CNTN4: variants seen among roughly 807,000 people sequenced by gnomAD.
CNTN4 encodes contactin 4.
CNTN4 carries 77 observed loss-of-function variants against 122.5 expected under a neutral mutation model. That is an observed-to-expected ratio of 0.63 (90% confidence interval 0.52 to 0.76). CNTN4 has a LOEUF of 0.76. Among genes scored for constraint, CNTN4 ranks in the 30% least tolerant of loss-of-function variants. CNTN4 has a pLI of 0.00. For missense variants in CNTN4, 1,256 were observed against 1,259.1 expected (o/e 1.00, Z 0.04); for synonymous variants, 512 against 447.0 (o/e 1.15, Z -1.83).
intron 2 of CNTN4, among the ~76,000 whole-genome samples, chr3:2,131,399 G>A (rs2034446118): frequency 6.6e-6 from 1 of 152,092 alleles, no homozygotes; most frequent in African/African-American, 2.4e-5. Context: ...CAGGCCCAGG[G>A]GATAATTGGG....
At chr3:2,600,615 G>A (rs1353611994) in intron 4 of CNTN4, among the ~76,000 whole-genome samples, 3 of 152,148 alleles carry the variant, frequency 2.0e-5, no homozygotes, top group South Asian at 2.1e-4. Flanking sequence ...GGACATTTGG[G>A]TTGATTCCAA....
chr3:2,747,182 G>A (rs1576644306), intron 6 of CNTN4, among the ~76,000 whole-genome samples: 1 of 152,156 alleles, frequency 6.6e-6, no homozygotes, highest in Middle Eastern at 3.4e-3. Context: ...GGCCGAGGCG[G>A]GCGGATCACG....
chr3:2,232,355 A>G (rs2039518719), intron 2 of CNTN4, among the ~76,000 whole-genome samples: 1 of 152,174 alleles, frequency 6.6e-6, no homozygotes, highest in Non-Finnish European at 1.5e-5. Flanking sequence ...AAAGCTTAAG[A>G]TCTTTTCCAC....
chr3:2,811,447 ATTTTATTATTTATTTAT>A (rs2092607205), intron 6 of CNTN4, among the ~76,000 whole-genome samples: 2 of 145,726 alleles, frequency 1.4e-5, no homozygotes, highest in South Asian at 4.3e-4. Context: ...CTTTATTTTT[ATTTTATTATTTATTTAT>A]TTATTTATTT....
intron 3 of CNTN4, among the ~76,000 whole-genome samples, chr3:2,362,942 T>C (rs1020801064): frequency 6.6e-6 from 1 of 152,026 alleles, no homozygotes; most frequent in Non-Finnish European, 1.5e-5. Flanking sequence ...AATAAAGCAA[T>C]TGAAGAACAT....
intron 2 of CNTN4, among the ~76,000 whole-genome samples, chr3:2,319,644 T>C (rs1405528372): frequency 6.6e-6 from 1 of 152,220 alleles, no homozygotes; most frequent in African/African-American, 2.4e-5. Context: ...TTTCTTTAGC[T>C]TACTTTACTG....
chr3:2,660,715 T>C (rs992269445), intron 4 of CNTN4, among the ~76,000 whole-genome samples: 5 of 152,268 alleles, frequency 3.3e-5, no homozygotes, highest in Non-Finnish European at 7.3e-5. Context: ...ATCTAGACTT[T>C]GGTTACCTAC....
At chr3:2,480,044 A>G (rs1346520661) in intron 3 of CNTN4, among the ~76,000 whole-genome samples, 1 of 152,200 alleles carries the variant, frequency 6.6e-6, no homozygotes, top group Non-Finnish European at 1.5e-5. Context: ...CTAGATGCAG[A>G]AAAGCATTTG....
intron 7 of CNTN4, among the ~76,000 whole-genome samples, chr3:2,848,072 A>T (rs1194102507): frequency 6.6e-6 from 1 of 151,982 alleles, no homozygotes; most frequent in East Asian, 1.9e-4. Flanking sequence ...ACATAGCAAG[A>T]CCTCGTCTCT....
At chr3:2,692,888 T>G (rs2085818249) in intron 4 of CNTN4, among the ~76,000 whole-genome samples, 1 of 151,950 alleles carries the variant, frequency 6.6e-6, no homozygotes, top group Non-Finnish European at 1.5e-5. Context: ...CTAAAAAAAC[T>G]AATGACTAAA....
At chr3:2,464,277 G>C (rs2075419061) in intron 3 of CNTN4, among the ~76,000 whole-genome samples, 1 of 152,134 alleles carries the variant, frequency 6.6e-6, no homozygotes, top group South Asian at 2.1e-4. Flanking sequence ...GGCCAGCTTG[G>C]CAAGCAGGAG....
At position 2,283,747 on chromosome 3, in the gene CNTN4, C is replaced by A. The variant is rs144885022; in HGVS notation, c.-144-55431C>A. ...GTCAATTTTGCATTGAGCACCATCA[C>A]CCATTCCCTAAATACAATTCAAACG... On this transcript the variant is annotated intron_variant, in intron 2 of 24. Coordinates refer to ENST00000418658, the MANE Select transcript of CNTN4 (RefSeq NM_175607.3). Among the ~76,000 whole-genome samples the A allele has an allele frequency of 3.2e-4, 48 of 152,218 alleles. 1 individual carries two copies. Among genetic ancestry groups the A allele is most frequent in the African/African-American group, 1.0e-3 (43 of 41,556 alleles).
In CNTN4 at chr3:2,630,680, T is replaced by A. The variant is rs183201986; in HGVS notation, c.55+59122T>A. On this transcript the variant is annotated intron_variant, in intron 4 of 24. Transcript: ENST00000418658. ...ATTTGAGAGGAATTAGTATGGTATA[T>A]CCCTATCTGTTTATTAAGGGAGTGT... 8.6e-5 allele frequency among the ~76,000 whole-genome samples: 13 copies of A among 150,352 alleles called. No homozygotes were observed. In the East Asian group the frequency reaches 2.5e-3, roughly 29 times the overall value.
chr3:2,636,693 C>G (rs186490977), intron 4 of CNTN4, among the ~76,000 whole-genome samples: 185 of 152,160 alleles, frequency 1.2e-3, no homozygotes, highest in African/African-American at 3.8e-3. Flanking sequence ...ATTACAAACA[C>G]CAATTACCAA....
At chr3:2,647,013 A>G (rs1017263025) in intron 4 of CNTN4, among the ~76,000 whole-genome samples, 1 of 152,180 alleles carries the variant, frequency 6.6e-6, no homozygotes, top group Non-Finnish European at 1.5e-5. Context: ...AATTTCCCTT[A>G]TATCTGGTAG....
intron 2 of CNTN4, among the ~76,000 whole-genome samples, chr3:2,307,449 A>G (rs947344021): frequency 1.9e-4 from 29 of 151,610 alleles, no homozygotes; most frequent in Admixed American, 1.9e-3. Flanking sequence ...AAAAAAAAAA[A>G]AATAGCAAGA....
intron 6 of CNTN4, among the ~76,000 whole-genome samples, chr3:2,751,570 G>A (rs1203899670): frequency 2.0e-5 from 3 of 152,076 alleles, no homozygotes; most frequent in South Asian, 2.1e-4. Flanking sequence ...CAGAAGATAA[G>A]GCCTAAAGAG....
At chr3:2,815,297 C>T (rs1401241094) in intron 6 of CNTN4, among the ~76,000 whole-genome samples, 3 of 152,220 alleles carry the variant, frequency 2.0e-5, no homozygotes, top group Admixed American at 6.5e-5. Flanking sequence ...GCAGAGTGAA[C>T]GGACAACCCA....
At chr3:2,707,360 C>T (rs1220461756) in intron 4 of CNTN4, among the ~76,000 whole-genome samples, 1 of 151,470 alleles carries the variant, frequency 6.6e-6, no homozygotes, top group African/African-American at 2.4e-5. Flanking sequence ...GGTAAATATC[C>T]TTGTGGTTTG....
Sources: allele counts gnomAD v4.1 joint callset (sites outside exome capture counted in the v4.1 genomes callset), GRCh38; gene constraint gnomAD v4.1.1; transcripts MANE v1.5; gene names NCBI Gene and HGNC (gene_info 2026-07-23, HGNC 2026-07-21).